The following GRK5 variants were observed in gnomAD, a reference collection of about 807,000 sequenced individuals.
GRK5 encodes the protein g protein-coupled receptor kinase GRK5.
GRK5 carries 40 observed loss-of-function variants against 78.4 expected under a neutral mutation model. That is an observed-to-expected ratio of 0.51 (90% CI 0.40 to 0.66). The LOEUF is 0.66. Among genes scored for constraint, GRK5 ranks in the 30% least tolerant of loss-of-function variants. GRK5 has a pLI of 0.00. For synonymous variants in GRK5, 289 were observed against 296.8 expected, an observed-to-expected ratio of 0.97 and a Z score of 0.27; for missense variants, 598 against 759.9, an observed-to-expected ratio of 0.79 and a Z score of 2.50.
At chr10:119,275,515 C>G (rs1171502261) in intron 1 of GRK5, among the ~76,000 whole-genome samples, 1 of 151,216 alleles carries the variant, frequency 6.6e-6, no homozygotes, top group East Asian at 1.9e-4. Context: ...CCCTTTATTT[C>G]CTATGATAAA....
intron 1 of GRK5, among the ~76,000 whole-genome samples, chr10:119,259,220 G>A (rs1335743406): frequency 2.6e-5 from 4 of 151,800 alleles, no homozygotes; most frequent in East Asian, 1.9e-4. Flanking sequence ...GCCCACCACC[G>A]CGCCTGGCTA....
intron 1 of GRK5, among the ~76,000 whole-genome samples, chr10:119,307,116 T>A (rs1175442150): frequency 6.6e-6 from 1 of 152,116 alleles, no homozygotes; most frequent in East Asian, 1.9e-4. Context: ...CTAAATGCTT[T>A]ACGTGCATCA....
At chr10:119,405,142 A>C (rs1038819208) in intron 4 of GRK5, among the ~76,000 whole-genome samples, 3 of 152,090 alleles carry the variant, frequency 2.0e-5, no homozygotes, top group African/African-American at 7.2e-5. Context: ...GGGGAAGCTC[A>C]AACCCAGTCC....
In GRK5 at chr10:119,312,464, G is replaced by T. The variant is rs571700906; in HGVS notation, c.53-14052G>T. The stretch of plus-strand genomic sequence containing the variant: ...AGCTGCACCTCGAGAGCCCAATCCG[G>T]CCACTGCCTGTTTTTGTAAATGAAG... On this transcript the variant is annotated intron_variant, in intron 1 of 15. Transcript: ENST00000392870. 9.4e-4 allele frequency among the ~76,000 whole-genome samples: 143 copies of T among 152,326 alleles called. 1 individual carries two copies. Among genetic ancestry groups the T allele is most frequent in the African/African-American group, 3.2e-3 (134 of 41,582 alleles).
chr10:119,453,423 C>G, intron 15 of GRK5, 147 bp downstream of exon 15: 1 of 900,832 alleles, frequency 1.1e-6, no homozygotes, highest in Non-Finnish European at 1.7e-6. Context: ...CTGATTATGT[C>G]CAAGGCCCCT....
At chr10:119,405,223 T>C (rs1852216948) in intron 4 of GRK5, among the ~76,000 whole-genome samples, 1 of 152,034 alleles carries the variant, frequency 6.6e-6, no homozygotes, top group Non-Finnish European at 1.5e-5. Context: ...GGGGCAGGCT[T>C]CTGGGGAACT....
chr10:119,441,547 A>T (rs1376630321), intron 10 of GRK5, among the ~76,000 whole-genome samples: 1 of 152,216 alleles, frequency 6.6e-6, no homozygotes, highest in Non-Finnish European at 1.5e-5. Flanking sequence ...AAAAACAACC[A>T]ATCTCCAGAG....
intron 12 of GRK5, among the ~76,000 whole-genome samples, chr10:119,444,677 C>T (rs1406921566): frequency 6.6e-6 from 1 of 152,188 alleles, no homozygotes; most frequent in Non-Finnish European, 1.5e-5. Context: ...CAATTGCCAG[C>T]CCACAGACTT....
At chr10:119,354,694 TCTC>T (rs995335186) in intron 2 of GRK5, among the ~76,000 whole-genome samples, 9 of 152,280 alleles carry the variant, frequency 5.9e-5, no homozygotes, top group African/African-American at 2.2e-4. Context: ...ACCCAGCCCA[TCTC>T]CTCCATTTTT....
intron 1 of GRK5, among the ~76,000 whole-genome samples, chr10:119,257,117 G>A (rs958421528): frequency 6.6e-5 from 10 of 152,218 alleles, no homozygotes; most frequent in Non-Finnish European, 1.2e-4. Flanking sequence ...ACCACAATTT[G>A]TTAATCCACT....
intron 1 of GRK5, among the ~76,000 whole-genome samples, chr10:119,214,120 G>A (rs1044507116): frequency 1.3e-5 from 2 of 151,568 alleles, no homozygotes; most frequent in East Asian, 3.9e-4. Flanking sequence ...GATTACAGGC[G>A]CCCACCATCA....
Position 119,346,429 on chromosome 10 carries a change from T to A in GRK5, c.148+19818T>A, listed in dbSNP as rs900457232. On this transcript the variant is annotated intron_variant, in intron 2 of 15. Coordinates refer to ENST00000392870, the MANE Select transcript of GRK5 (RefSeq NM_005308.3). ...CTGACCATGATCTCCTAGGTCAGAT[T>A]TATCATTTACTGGGTCAGGAAAGAA... Among the ~76,000 whole-genome samples the A allele has an allele frequency of 3.1e-4, 47 of 152,220 alleles. 1 individual carries two copies. Among genetic ancestry groups the A allele is most frequent in the Non-Finnish European group, 4.4e-5 (3 of 68,034 alleles).
At chr10:119,384,080 A>C (rs1198434021) in intron 3 of GRK5, among the ~76,000 whole-genome samples, 1 of 151,988 alleles carries the variant, frequency 6.6e-6, no homozygotes, top group Non-Finnish European at 1.5e-5. Flanking sequence ...GTCTTTCTTC[A>C]GCTCTGTGTT....
At chr10:119,369,880 C>T (rs573751020) in intron 2 of GRK5, among the ~76,000 whole-genome samples, 1 of 152,316 alleles carries the variant, frequency 6.6e-6, no homozygotes, top group South Asian at 2.1e-4. Context: ...AGTGGTCCTG[C>T]CGTTCCCTCA....
intron 1 of GRK5, among the ~76,000 whole-genome samples, chr10:119,318,030 C>T (rs537323993): frequency 6.6e-6 from 1 of 152,078 alleles, no homozygotes; most frequent in African/African-American, 2.4e-5. Context: ...TGGCTCCCAG[C>T]GATGCTGATG....
In GRK5 at chr10:119,431,292, T is replaced by C; in HGVS notation, c.598-95T>C. 2 of 1,431,564 alleles carry C rather than the reference T, an allele frequency of 1.4e-6. No homozygotes were observed. Among genetic ancestry groups the C allele is most frequent in the East Asian group, 4.7e-5 (2 of 42,286 alleles). The allele number at this position is 1,431,564 out of a possible 1,614,324, so 88.7% of individuals were successfully genotyped here. ...CAGGGCCGGCTCTGACCCCATCCAT[T>C]CTCTACCTGGGAGGCCTGTGGTCCC... On this transcript the variant is annotated intron_variant, in intron 7 of 15. Transcript: ENST00000392870. This position sits in a 1 kb window ranked among gnomAD's most constrained non-coding sequence, Gnocchi z 4.8.
At chr10:119,349,303 G>A (rs1851152690) in intron 2 of GRK5, among the ~76,000 whole-genome samples, 1 of 152,234 alleles carries the variant, frequency 6.6e-6, no homozygotes, top group Admixed American at 6.5e-5. Flanking sequence ...GCCGCTGAAG[G>A]CAGAGGCATG....
rs1853328160 is a variant in GRK5 at position 119,453,211 on chromosome 10, C to A, written c.1609C>A (p.Leu537Met). The A allele has an allele frequency of 1.2e-6, 2 of 1,612,254 alleles. No homozygotes were observed. Among genetic ancestry groups the A allele is most frequent in the African/African-American group, 2.7e-5 (2 of 74,878 alleles). Residue 537 changes from leucine (L) to methionine (M), a missense_variant, in exon 15 of 16, where the codon CTG becomes ATG. Coordinates refer to ENST00000392870, the MANE Select transcript of GRK5 (RefSeq NM_005308.3). ...FGPNGTLPPD[L>M]NRNHPPEPPK... ...ACCTAATGGTACCCTCCCGCCAGAT[C>A]TGAACAGAAACCACCCTCCGGAACC...
Position 119,452,841 on chromosome 10 carries a change from G to T in GRK5, c.1542+33G>T. The T allele has an allele frequency of 6.5e-7, 1 of 1,546,290 alleles. No homozygotes were observed. The highest frequency in any genetic ancestry group is 8.9e-7 in the Non-Finnish European group (1 of 1,124,560). Reference sequence around the variant, plus strand: ...GGGCAGACCACTTGCTTTGGTCTGGGTGGGAGGGAGGGACTGACGGGTGGA... The same window carrying T: ...GGGCAGACCACTTGCTTTGGTCTGGTTGGGAGGGAGGGACTGACGGGTGGA... On this transcript the variant is annotated intron_variant, in intron 14 of 15. Transcript: ENST00000392870. The surrounding 1 kb of genome is among the most constrained non-coding windows in gnomAD (Gnocchi z 4.4).
Sources: gnomAD v4.1 joint callset for allele counts (sites outside exome capture counted in the v4.1 genomes callset) on GRCh38, gnomAD v4.1.1 for gene constraint, Gnocchi (gnomAD v3.1) non-coding constraint, MANE v1.5 for transcripts, NCBI Gene and HGNC (gene_info 2026-07-23, HGNC 2026-07-21) for gene names.